The following HSPG2 variants were observed in gnomAD, a reference collection of about 807,000 sequenced individuals.
HSPG2 encodes the protein basement membrane-specific heparan sulfate proteoglycan core protein.
In HSPG2, 278 loss-of-function variants were observed where a neutral mutation model predicts 526.6. That is an observed-to-expected ratio of 0.53 (90% CI 0.48 to 0.58). HSPG2 has a LOEUF of 0.58. Among genes scored for constraint, HSPG2 ranks in the 20% least tolerant of loss-of-function variants. The pLI is 0.00. For synonymous variants in HSPG2, 2,465 were observed against 2,555.4 expected (o/e 0.96, Z 1.07); for missense variants, 5,354 against 6,099.5 (o/e 0.88, Z 4.07).
At chr1:21,829,930 G>GCC in intron 86 of HSPG2, 63 bp downstream of exon 86, 3 of 1,350,004 alleles carry the variant, frequency 2.2e-6, no homozygotes, top group Non-Finnish European at 3.1e-6. Context: ...GCCTCAGAGT[G>GCC]CCCCACCCAG....
intron 1 of HSPG2, among the ~76,000 whole-genome samples, chr1:21,909,787 AG>A (rs1643567778): frequency 6.6e-6 from 1 of 152,230 alleles, no homozygotes; most frequent in Non-Finnish European, 1.5e-5. Context: ...AAATAGCTAG[AG>A]CAGGAGAGGG....
At chr1:21,934,584 CAA>C (rs1644433658) in intron 1 of HSPG2, among the ~76,000 whole-genome samples, 1 of 128,304 alleles carries the variant, frequency 7.8e-6, no homozygotes, top group African/African-American at 2.8e-5. Flanking sequence ...GCCTGGGCAA[CAA>C]AGTGTGATGC....
Position 21,854,591 on chromosome 1 carries a change from T to G in HSPG2, c.6288+20A>C. On this transcript the variant is annotated intron_variant, in intron 49 of 96. Coordinates refer to ENST00000374695, the MANE Select transcript of HSPG2 (RefSeq NM_005529.7). ...CCCCTGCACCCTGGGTCCCCTGCCA[T>G]AGGCTCAGGGCCCACATACCTGGGT... 1 of 1,547,540 alleles carries G rather than the reference T, an allele frequency of 6.5e-7. No individual in the cohort carries two copies. Among genetic ancestry groups the G allele is most frequent in the Non-Finnish European group, 8.8e-7 (1 of 1,142,642 alleles).
chr1:21,831,252 A>G lies in HSPG2; in HGVS notation c.11525T>C (p.Ile3842Thr). 3.1e-6 allele frequency: 5 copies of G among 1,613,956 alleles called. No homozygotes were observed. Among genetic ancestry groups the G allele is most frequent in the Non-Finnish European group, 2.5e-6 (3 of 1,179,970 alleles). The change falls in exon 84 of 97, where the codon ATC becomes ACC. Residue 3842 changes from isoleucine to threonine, a missense_variant. Ile to Thr is a moderately conservative substitution (Grantham distance 89). Transcript: ENST00000374695. ...FHDLNLTAHG[I>T]SHCPTCRDRP... ...GTCCCGACAGGTGGGGCAGTGGGAG[A>G]TGCCGTGCGCCGTGAGGTTGAGGTC... is the stretch of plus-strand genomic sequence containing the variant.
chr1:21,924,399 G>A (rs541059826), intron 1 of HSPG2, among the ~76,000 whole-genome samples: 8 of 152,194 alleles, frequency 5.3e-5, no homozygotes, highest in South Asian at 4.1e-4. Flanking sequence ...AATCAATAGC[G>A]TCAATGAAGG....
chr1:21,890,416 C>G lies in HSPG2; in HGVS notation c.413+11G>C, dbSNP rs773331769. On this transcript the variant is annotated intron_variant, in intron 5 of 96. Coordinates refer to ENST00000374695, the MANE Select transcript of HSPG2 (RefSeq NM_005529.7). The surrounding 1 kb of genome is among the most constrained non-coding windows in gnomAD (Gnocchi z 4.1). ...AAGTCCCCCAGCAGCCCCCAGGGAG[C>G]CCCTTCTCACTTGATGAACACCACA... The G allele has an allele frequency of 6.2e-7, 1 of 1,613,336 alleles. No individual in the cohort carries two copies. Among genetic ancestry groups the G allele is most frequent in the Admixed American group, 1.7e-5 (1 of 60,012 alleles).
intron 1 of HSPG2, among the ~76,000 whole-genome samples, chr1:21,897,439 G>C (rs560155986): frequency 4.3e-4 from 65 of 152,288 alleles, no homozygotes; most frequent in Admixed American, 2.2e-3. Context: ...CAAAGAGCCA[G>C]CCAGGCCCCC....
Position 21,860,195 on chromosome 1 carries a change from C to T in HSPG2, c.4996G>A (p.Gly1666Ser), listed in dbSNP as rs779522174. 1.9e-6 allele frequency: 3 copies of T among 1,613,734 alleles called. No individual in the cohort carries two copies. The highest frequency in any genetic ancestry group is 1.3e-5 in the African/African-American group (1 of 74,938). ...CACTTACTCTCTGGCAGGCACTGGC[C>T]CCCTTGCACACTGGGGTTACCCACG... The part of the protein sequence containing the change: ...GYVGNPSVQG[G>S]QCLPETNQAP... The change falls in exon 40 of 97, where the codon GGC (glycine) becomes AGC (serine). Residue 1666 changes from glycine to serine, a missense_variant. Gly to Ser is a moderately conservative substitution (Grantham distance 56). Coordinates refer to ENST00000374695, the MANE Select transcript of HSPG2 (RefSeq NM_005529.7).
chr1:21,928,501 C>T (rs1000383236), intron 1 of HSPG2, among the ~76,000 whole-genome samples: 4 of 152,236 alleles, frequency 2.6e-5, no homozygotes, highest in African/African-American at 9.6e-5. Flanking sequence ...AGTGCAATGG[C>T]ATGATCTCAG....
intron 33 of HSPG2, among the ~76,000 whole-genome samples, chr1:21,870,574 C>T (rs1243085279): frequency 6.6e-6 from 1 of 152,238 alleles, no homozygotes; most frequent in African/African-American, 2.4e-5. Context: ...TGTGGATTAG[C>T]ATCGGGTTAG....
chr1:21,876,319 G>C lies in HSPG2; in HGVS notation c.2913C>G (p.Pro971=). The part of the protein sequence containing the change: ...THTTNEGIFS[P]TPGELGFSSF... ...AGGAGAATCCCAGTTCCCCGGGCGT[G>C]GGGGAGAAGATGCCCTCGTTGGTGG... Residue 971 remains proline (P), a synonymous_variant, in exon 23 of 97, where the codon CCC becomes CCG. Transcript: ENST00000374695. 1.2e-6 allele frequency: 2 copies of C among 1,614,028 alleles called. No homozygotes were observed. Among genetic ancestry groups the C allele is most frequent in the Non-Finnish European group, 1.7e-6 (2 of 1,179,990 alleles).
Position 21,855,891 on chromosome 1 carries a change from G to C in HSPG2, c.5597C>G (p.Pro1866Arg), listed in dbSNP as rs776777612. Residue 1866 changes from proline to arginine, a missense_variant, in exon 45 of 97, where the codon CCC becomes CGC. By Grantham distance (103) the Pro-to-Arg change is moderately radical. Coordinates refer to ENST00000374695, the MANE Select transcript of HSPG2 (RefSeq NM_005529.7). ...HVQASGTLSAPVVSIHPPQLT... is the reference protein window; with the variant it reads ...HVQASGTLSARVVSIHPPQLT... ...CTGTGGCGGATGGATGGAGACCACG[G>C]GGGCGGACAAGGTGCCCGAGGCTGA... 31 of 1,611,086 alleles carry C rather than the reference G, an allele frequency of 1.9e-5. No individual in the cohort carries two copies. The highest frequency in any genetic ancestry group is 2.6e-5 in the Non-Finnish European group (31 of 1,179,988).
At chr1:21,838,796 C>A in intron 74 of HSPG2, 29 bp downstream of exon 74, 1 of 1,607,906 alleles carries the variant, frequency 6.2e-7, no homozygotes, top group Non-Finnish European at 8.5e-7. Flanking sequence ...AAAGGTGATC[C>A]CCTTCCACGC....
chr1:21,827,974 T>C (rs1431414816), intron 90 of HSPG2, 55 bp from the exon 91 acceptor site: 7 of 1,611,402 alleles, frequency 4.3e-6, no homozygotes, highest in Non-Finnish European at 5.9e-6. Flanking sequence ...GGGTACTATG[T>C]CGAGCTCCGG....
chr1:21,932,379 C>A (rs183830478), intron 1 of HSPG2, among the ~76,000 whole-genome samples: 19 of 152,330 alleles, frequency 1.2e-4, no homozygotes, highest in Non-Finnish European at 2.9e-5. Flanking sequence ...AGTTACGTAA[C>A]CTCTCAGTGC....
chr1:21,873,871 T>C (rs755490402), intron 29 of HSPG2, 54 bp downstream of exon 29: 15 of 1,468,416 alleles, frequency 1.0e-5, no homozygotes, highest in African/African-American at 7.0e-5. Flanking sequence ...TGCCTGAGGA[T>C]TCCAGGGACA....
intron 85 of HSPG2, 150 bp downstream of exon 85, chr1:21,830,832 G>A: frequency 3.1e-6 from 2 of 642,980 alleles, no homozygotes; most frequent in East Asian, 2.7e-5. Context: ...CAGAGATGGG[G>A]GATGGGTACA....
chr1:21,831,292 C>T lies in HSPG2; in HGVS notation c.11485G>A (p.Glu3829Lys). The part of the protein sequence containing the change: ...CVRELRIQGE[E>K]IVFHDLNLTA... ...AGGTTGAGGTCATGGAAGACGATCT[C>T]CTCGCCCTGGATGCGCAGCTCCCGG... Residue 3829 changes from glutamate to lysine, a missense_variant, in exon 84 of 97, where the codon GAG (glutamate) becomes AAG (lysine). By Grantham distance (56) the Glu-to-Lys change is moderately conservative. Coordinates refer to ENST00000374695, the MANE Select transcript of HSPG2 (RefSeq NM_005529.7). 6.2e-7 allele frequency: 1 copy of T among 1,614,058 alleles called. No individual in the cohort carries two copies. Among genetic ancestry groups the T allele is most frequent in the Non-Finnish European group, 8.5e-7 (1 of 1,179,990 alleles).
chr1:21,852,449 A>C lies in HSPG2; in HGVS notation c.6725-216T>G, dbSNP rs1347785391. 3.9e-5 allele frequency among the ~76,000 whole-genome samples: 6 copies of C among 152,132 alleles called. No homozygotes were observed. The East Asian group carries it at 9.6e-4, about 24-fold the overall frequency. On this transcript the variant is annotated intron_variant, in intron 52 of 96. Coordinates refer to ENST00000374695, the MANE Select transcript of HSPG2 (RefSeq NM_005529.7). ...GCAGAGGGGAGTGAGGAAGTGAGAGAGATGAGGGCAGAGATGAGTTGGAGA... is the reference window on the plus strand; with the variant it reads ...GCAGAGGGGAGTGAGGAAGTGAGAGCGATGAGGGCAGAGATGAGTTGGAGA...
Sources: gnomAD v4.1 joint callset for allele counts (sites outside exome capture counted in the v4.1 genomes callset) on GRCh38, gnomAD v4.1.1 for gene constraint, Gnocchi (gnomAD v3.1) non-coding constraint, MANE v1.5 for transcripts, NCBI Gene and HGNC (gene_info 2026-07-23, HGNC 2026-07-21) for gene names.